The following COL20A1 variants were observed in gnomAD, a reference collection of about 807,000 sequenced individuals.
The protein encoded by COL20A1 is collagen alpha-1(XX) chain.
Under a neutral mutation model 152.9 loss-of-function variants are expected in COL20A1, and 164 were observed. That is an observed-to-expected ratio of 1.07 (90% CI 0.94 to 1.22). The LOEUF (loss-of-function observed/expected upper bound fraction) is 1.22, where lower values mean the gene tolerates loss of function less well. COL20A1 is among the 50% of genes most tolerant of loss of function. COL20A1 has a pLI of 0.00. For synonymous variants in COL20A1, 864 were observed against 756.0 expected (o/e 1.14, Z -2.34); for missense variants, 1,873 against 1,744.8 (o/e 1.07, Z -1.31).
At chr20:63,320,626 G>A (rs544793691) in intron 25 of COL20A1, among the ~76,000 whole-genome samples, 1 of 152,198 alleles carries the variant, frequency 6.6e-6, no homozygotes. Context: ...GCCCAGCCAG[G>A]TGCAGATGAG....
chr20:63,309,489 A>G lies in COL20A1; in HGVS notation c.1097A>G (p.Gln366Arg). 6.6e-7 allele frequency: 1 copy of G among 1,521,310 alleles called. No homozygotes were observed. Among genetic ancestry groups the G allele is most frequent in the Non-Finnish European group, 8.8e-7 (1 of 1,130,978 alleles). 94.2% of individuals were successfully genotyped at this position (1,521,310 alleles called of 1,614,324 possible). ...CQRLQGGSPR[Q>R]GPAAAPALDT... ...AGGCTCCAGGGTGGGAGCCCGCGGC[A>G]GGGCCCAGGTGAGGGGCAGGGTCAC... is the stretch of plus-strand genomic sequence containing the variant. Residue 366 changes from glutamine to arginine, a missense_variant, in exon 9 of 36, where the codon CAG becomes CGG. Coordinates refer to ENST00000358894, the MANE Select transcript of COL20A1 (RefSeq NM_020882.4).
chr20:63,300,626 T>C (rs1407313128), intron 3 of COL20A1, among the ~76,000 whole-genome samples: 1 of 152,234 alleles, frequency 6.6e-6, no homozygotes, highest in Admixed American at 6.5e-5. Context: ...AGTCTTTTAA[T>C]AAAACACATT....
intron 7 of COL20A1, 114 bp downstream of exon 7, chr20:63,308,204 C>A: frequency 7.9e-7 from 1 of 1,262,456 alleles, no homozygotes; most frequent in Non-Finnish European, 1.1e-6. Context: ...GGACCTGAGC[C>A]CTGTTCACAC....
chr20:63,312,199 G>A (rs946180037), intron 14 of COL20A1, 144 bp downstream of exon 14: 26 of 1,150,180 alleles, frequency 2.3e-5, no homozygotes, highest in Admixed American at 2.9e-5. Context: ...TGGTGTGGGG[G>A]CAGATGTGGG....
rs112826399 is a variant in COL20A1 at position 63,324,880 on chromosome 20, G to A, written c.3295-561G>A. Reference sequence around the variant, plus strand: ...TGAGTCTAGTGTTTTGGGGTCCAGGGCTTAAGAAAGTTTTCTGTCTCTTCC... The same window carrying A: ...TGAGTCTAGTGTTTTGGGGTCCAGGACTTAAGAAAGTTTTCTGTCTCTTCC... On this transcript the variant is annotated intron_variant, in intron 27 of 35. Coordinates refer to ENST00000358894, the MANE Select transcript of COL20A1 (RefSeq NM_020882.4). The A allele has an allele frequency of 6.6e-4, 126 of 189,582 alleles. 1 individual carries two copies. Among genetic ancestry groups the A allele is most frequent in the African/African-American group, 2.7e-3 (114 of 41,794 alleles). The allele number at this position is 189,582 out of a possible 1,614,324, so 11.7% of individuals were successfully genotyped here. A position where few individuals can be genotyped will look rare whatever the true frequency, so the allele number is the denominator to read the frequency against.
intron 3 of COL20A1, among the ~76,000 whole-genome samples, chr20:63,303,294 C>T (rs2067881694): frequency 6.6e-6 from 1 of 152,194 alleles, no homozygotes; most frequent in African/African-American, 2.4e-5. Context: ...CTCCTGGGCT[C>T]AAGTGATTCT....
chr20:63,318,522 A>G (rs55690903), intron 21 of COL20A1, among the ~76,000 whole-genome samples: 39,604 of 152,032 alleles, frequency 0.26, 5,382 homozygotes, highest in East Asian at 0.4. Context: ...GCCAGGACCC[A>G]CTGGGCGGTG....
At position 63,322,282 on chromosome 20, in the gene COL20A1, A is replaced by G. The variant is rs1302439898; in HGVS notation, c.3294+171A>G. On this transcript the variant is annotated intron_variant, in intron 27 of 35. Transcript: ENST00000358894. ...AGGGACCCCAGCACCCCAGGAGTCC[A>G]GGGGGTTTAGGCTGGCCTCCCCCAT... Among the ~76,000 whole-genome samples the G allele has an allele frequency of 2.0e-5, 3 of 152,098 alleles. No homozygotes were observed. The East Asian group carries it at 5.8e-4, about 29-fold the overall frequency.
Position 63,316,647 on chromosome 20 carries a change from G to A in COL20A1, c.2619G>A (p.Pro873=), listed in dbSNP as rs745335527. 1.2e-5 allele frequency: 19 copies of A among 1,576,724 alleles called. No individual in the cohort carries two copies. Among genetic ancestry groups the A allele is most frequent in the East Asian group, 7.0e-5 (3 of 42,980 alleles). The part of the protein sequence containing the change: ...AMEPSAFGGT[P]TFTLFKDAQL... ...AGCCCTCTGCCTTCGGTGGGACCCC[G>A]ACCTTCACGCTCTTCAAGGACGCCC... The change falls in exon 21 of 36, where the codon CCG becomes CCA. Residue 873 remains proline, a synonymous_variant. Coordinates refer to ENST00000358894, the MANE Select transcript of COL20A1 (RefSeq NM_020882.4).
chr20:63,319,578 C>T lies in COL20A1; in HGVS notation c.2898C>T (p.Phe966=). 2 of 1,582,632 alleles carry T rather than the reference C, an allele frequency of 1.3e-6. No individual in the cohort carries two copies. The highest frequency in any genetic ancestry group is 1.3e-5 in the African/African-American group (1 of 74,232). Residue 966 remains phenylalanine (F), a synonymous_variant, in exon 23 of 36, where the codon TTC becomes TTT. Transcript: ENST00000358894. The surrounding 1 kb of genome is among the most constrained non-coding windows in gnomAD (Gnocchi z 4.4). Reference sequence around the variant, plus strand: ...ACCCGCAGGAAGTGAGGAAGATTTTCTTCGGGAGCTTCCACAAGGTCCTGG... The same window carrying T: ...ACCCGCAGGAAGTGAGGAAGATTTTTTTCGGGAGCTTCCACAAGGTCCTGG... ...TFDPQEVRKI[F]FGSFHKVHVA... is the part of the protein sequence containing the mutation.
Position 63,295,132 on chromosome 20 carries a change from C to G in COL20A1, c.25C>G (p.Leu9Val). ...CATGAGCTCCGGAGACCCTGCACAC[C>G]TCGGCCTCTGCCTCTGGCTGTGGCT... MSSGDPAHLGLCLWLWLGA... is the reference protein window; with the variant it reads MSSGDPAHVGLCLWLWLGA... Residue 9 changes from leucine to valine, a missense_variant, in exon 2 of 36, where the codon CTC (leucine) becomes GTC (valine). Coordinates refer to ENST00000358894, the MANE Select transcript of COL20A1 (RefSeq NM_020882.4). 5 of 1,553,374 alleles carry G rather than the reference C, an allele frequency of 3.2e-6. No individual in the cohort carries two copies. The highest frequency in any genetic ancestry group is 8.7e-7 in the Non-Finnish European group (1 of 1,148,654).
At chr20:63,325,945 G>A in intron 29 of COL20A1, 151 bp from the exon 30 acceptor site, 3 of 759,134 alleles carry the variant, frequency 4.0e-6, no homozygotes, top group Non-Finnish European at 6.7e-6. Flanking sequence ...GTGGGTGGGG[G>A]AGTGGCTGGG....
chr20:63,297,556 T>C (rs1235197904), intron 2 of COL20A1, among the ~76,000 whole-genome samples: 3 of 152,194 alleles, frequency 2.0e-5, no homozygotes, highest in Non-Finnish European at 4.4e-5. Context: ...GGGTGGTTGC[T>C]GTCCTCCCAG....
chr20:63,312,486 G>C lies in COL20A1; in HGVS notation c.1870G>C (p.Val624Leu), dbSNP rs756737812. 7 of 1,608,950 alleles carry C rather than the reference G, an allele frequency of 4.4e-6. No individual in the cohort carries two copies. Among genetic ancestry groups the C allele is most frequent in the Non-Finnish European group, 5.9e-6 (7 of 1,178,834 alleles). The change falls in exon 15 of 36, where the codon GTC (valine) becomes CTC (leucine). Residue 624 changes from valine to leucine, a missense_variant. Physicochemically the swap from Val to Leu is conservative, Grantham distance 32. Transcript: ENST00000358894. ...TCTCTCTTCCTCCACCACCTACACT[G>C]TCCGTGTCACCTGCCTCTACCCTGG... is the stretch of plus-strand genomic sequence containing the variant. Reference protein sequence around the residue: ...GPLSSSTTYTVRVTCLYPGGG... With the variant: ...GPLSSSTTYTLRVTCLYPGGG...
chr20:63,301,300 G>A (rs1371228745), intron 3 of COL20A1, among the ~76,000 whole-genome samples: 1 of 152,158 alleles, frequency 6.6e-6, no homozygotes, highest in Non-Finnish European at 1.5e-5. Context: ...GGGTGACAGA[G>A]CAAGACTCCG....
chr20:63,297,064 C>T (rs1008182105), intron 2 of COL20A1, among the ~76,000 whole-genome samples: 2 of 152,246 alleles, frequency 1.3e-5, no homozygotes, highest in Non-Finnish European at 2.9e-5. Flanking sequence ...GAGGCAGCCT[C>T]GTCTTGGCAT....
At chr20:63,326,468 G>A (rs761328844) in intron 30 of COL20A1, among the ~76,000 whole-genome samples, 2 of 152,202 alleles carry the variant, frequency 1.3e-5, no homozygotes, top group Non-Finnish European at 2.9e-5. Flanking sequence ...CCACTTTAGG[G>A]GAAGCCCAAC....
Position 63,305,748 on chromosome 20 carries a change from C to A in COL20A1, c.338-133C>A. ...ACCAGCAAGGCTGCCTTGCCCCTGA[C>A]ATCTTTGCATGCCTCCCAGGCTCCT... On this transcript the variant is annotated intron_variant, in intron 4 of 35. Transcript: ENST00000358894. The surrounding 1 kb of genome is among the most constrained non-coding windows in gnomAD (Gnocchi z 4.9). 2 of 1,117,348 alleles carry A rather than the reference C, an allele frequency of 1.8e-6. No individual in the cohort carries two copies. The highest frequency in any genetic ancestry group is 1.3e-6 in the Non-Finnish European group (1 of 780,014). The allele number at this position is 1,117,348 out of a possible 1,614,324, so 69.2% of individuals were successfully genotyped here.
chr20:63,322,132 G>A, intron 27 of COL20A1, 21 bp downstream of exon 27: 1 of 1,491,686 alleles, frequency 6.7e-7, no homozygotes, highest in Non-Finnish European at 8.9e-7. Context: ...GGGAGCCCTG[G>A]GAGGTGAGGG....
Sources: allele counts gnomAD v4.1 joint callset (sites outside exome capture counted in the v4.1 genomes callset), GRCh38; gene constraint gnomAD v4.1.1; non-coding constraint Gnocchi (gnomAD v3.1); transcripts MANE v1.5; gene names NCBI Gene and HGNC (gene_info 2026-07-23, HGNC 2026-07-21).